The following HMCN1 variants were observed in gnomAD, a reference collection of about 807,000 sequenced individuals.
HMCN1 encodes the protein hemicentin 1, also known as hemicentin-1.
In HMCN1, 321 loss-of-function variants were observed where a neutral mutation model predicts 625.9. That is an observed-to-expected ratio of 0.51 (90% CI 0.47 to 0.56). HMCN1 has a LOEUF of 0.56. HMCN1 is among the 20% of genes least tolerant of loss of function. The pLI, the probability that HMCN1 is intolerant of heterozygous loss-of-function variation, is 0.00. For missense variants in HMCN1, 6,588 were observed against 6,887.3 expected (o/e 0.96, Z 1.54); for synonymous variants, 2,425 against 2,417.6 (o/e 1.00, Z -0.09).
chr1:186,039,432 A>G (rs935971645), intron 38 of HMCN1, among the ~76,000 whole-genome samples: 2 of 152,096 alleles, frequency 1.3e-5, no homozygotes, highest in South Asian at 2.1e-4. Flanking sequence ...ACACACACAC[A>G]CGCCTAGAAA....
chr1:186,090,253 A>G (rs899888220), intron 63 of HMCN1, among the ~76,000 whole-genome samples: 2 of 152,020 alleles, frequency 1.3e-5, no homozygotes, highest in Non-Finnish European at 2.9e-5. Context: ...CTTCAGAACT[A>G]CAACAAACCT....
At position 186,041,031 on chromosome 1, in the gene HMCN1, A is replaced by G; in HGVS notation, c.6199A>G (p.Ile2067Val). 1 of 1,612,984 alleles carries G rather than the reference A, an allele frequency of 6.2e-7. No individual in the cohort carries two copies. The highest frequency in any genetic ancestry group is 8.5e-7 in the Non-Finnish European group (1 of 1,179,178). The stretch of plus-strand genomic sequence containing the variant: ...TTGATAGGTTCTCTCTGGTGGTCGA[A>G]TCCTAGCATTGACCAGTGCACAAAT... ...NGLQVLSGGR[I>V]LALTSAQISD... Residue 2067 changes from isoleucine (I) to valine (V), a missense_variant, in exon 40 of 107, where the codon ATC becomes GTC. Around this residue, in one of 3 missense-constraint regions of HMCN1, gnomAD observed 4,628 missense variants for 4,853.1 expected, o/e 0.95. Coordinates refer to ENST00000271588, the MANE Select transcript of HMCN1 (RefSeq NM_031935.3).
At chr1:186,059,463 T>C (rs1017239343) in intron 46 of HMCN1, among the ~76,000 whole-genome samples, 7 of 152,050 alleles carry the variant, frequency 4.6e-5, no homozygotes, top group African/African-American at 1.4e-4. Context: ...AGTGGTGTTT[T>C]GGTTTTATTT....
chr1:185,825,070 G>T (rs915813782), intron 1 of HMCN1, among the ~76,000 whole-genome samples: 1 of 152,050 alleles, frequency 6.6e-6, no homozygotes, highest in Non-Finnish European at 1.5e-5. Flanking sequence ...GTAAAAACAA[G>T]AAATTGTTCA....
intron 35 of HMCN1, among the ~76,000 whole-genome samples, chr1:186,021,173 A>G (rs908346267): frequency 6.6e-6 from 1 of 152,076 alleles, no homozygotes; most frequent in Non-Finnish European, 1.5e-5. Flanking sequence ...TAGTTAAATC[A>G]CTGGGGGTTG....
intron 36 of HMCN1, among the ~76,000 whole-genome samples, chr1:186,028,887 G>T (rs768481423): frequency 6.6e-6 from 1 of 151,844 alleles, no homozygotes; most frequent in Admixed American, 6.6e-5. Context: ...ACCACTCCTG[G>T]CTAATTTTTT....
intron 1 of HMCN1, among the ~76,000 whole-genome samples, chr1:185,776,555 G>A (rs967070394): frequency 1.3e-5 from 2 of 150,150 alleles, no homozygotes; most frequent in Non-Finnish European, 2.9e-5. Context: ...TTACATTCTT[G>A]TGACTTTCTT....
chr1:185,837,227 T>C (rs1486644230), intron 1 of HMCN1, among the ~76,000 whole-genome samples: 2 of 151,916 alleles, frequency 1.3e-5, no homozygotes, highest in Non-Finnish European at 2.9e-5. Flanking sequence ...GTTGTAACCA[T>C]TCACAATCTT....
chr1:186,076,911 G>C (rs1378000951), intron 54 of HMCN1, among the ~76,000 whole-genome samples: 4 of 152,092 alleles, frequency 2.6e-5, no homozygotes, highest in Non-Finnish European at 4.4e-5. Flanking sequence ...AGTGCAATAA[G>C]ATAATCAGTT....
intron 91 of HMCN1, among the ~76,000 whole-genome samples, chr1:186,144,952 T>TG (rs746090505): frequency 2.0e-5 from 3 of 152,228 alleles, no homozygotes; most frequent in Non-Finnish European, 2.9e-5. Context: ...AGAGCACCCC[T>TG]GCATGCTAAC....
Position 186,136,886 on chromosome 1 carries a change from G to A in HMCN1, c.13531G>A (p.Ala4511Thr). 6.2e-7 allele frequency: 1 copy of A among 1,614,020 alleles called. No individual in the cohort carries two copies. ...KEDTSEFECV[A>T]RNLMGSVLVR... ...AGATACCTCTGAATTTGAATGTGTT[G>A]CTCGAAACTTAATGGGTTCTGTCCT... The change falls in exon 87 of 107, where the codon GCT (alanine) becomes ACT (threonine). Residue 4511 changes from alanine (A) to threonine (T), a missense_variant. Physicochemically the swap from Ala to Thr is moderately conservative, Grantham distance 58. This residue lies in a region of HMCN1 where 1,954 missense variants were observed against 2,013.1 expected (regional missense o/e 0.97). Coordinates refer to ENST00000271588, the MANE Select transcript of HMCN1 (RefSeq NM_031935.3).
chr1:185,834,894 GT>G (rs1422365446), intron 1 of HMCN1, among the ~76,000 whole-genome samples: 1 of 152,188 alleles, frequency 6.6e-6, no homozygotes, highest in African/African-American at 2.4e-5. Context: ...GAATCTTGAA[GT>G]AAGATGTGAT....
chr1:185,903,039 G>C (rs187034038), intron 4 of HMCN1, among the ~76,000 whole-genome samples: 293 of 151,428 alleles, frequency 1.9e-3, no homozygotes, highest in Non-Finnish European at 3.2e-3. Context: ...TTAATTTTCT[G>C]TATTTGTATT....
intron 11 of HMCN1, among the ~76,000 whole-genome samples, chr1:185,951,704 A>T (rs1668685139): frequency 1.3e-5 from 2 of 151,726 alleles, no homozygotes; most frequent in African/African-American, 4.9e-5. Context: ...GTGGCTTAGG[A>T]GGAATCCCGG....
At chr1:185,993,809 A>G (rs1300147134) in intron 23 of HMCN1, among the ~76,000 whole-genome samples, 2 of 152,072 alleles carry the variant, frequency 1.3e-5, no homozygotes, top group African/African-American at 4.8e-5. Flanking sequence ...CATTCATTCA[A>G]CACACTGAGT....
intron 16 of HMCN1, among the ~76,000 whole-genome samples, chr1:185,980,380 A>G (rs752936965): frequency 6.6e-5 from 10 of 152,192 alleles, no homozygotes; most frequent in Non-Finnish European, 1.2e-4. Flanking sequence ...TTCTGCACAT[A>G]CAGAATTAGG....
Position 186,007,140 on chromosome 1 carries a change from G to A in HMCN1, c.4488G>A (p.Leu1496=). The A allele has an allele frequency of 6.2e-7, 1 of 1,611,864 alleles. No individual in the cohort carries two copies. Among genetic ancestry groups the A allele is most frequent in the Non-Finnish European group, 8.5e-7 (1 of 1,178,350 alleles). Residue 1496 remains leucine, a synonymous_variant, in exon 30 of 107, where the codon TTG becomes TTA. Transcript: ENST00000271588. ...HWFKDGKPLF[L]GDPNVELLDR... is the part of the protein sequence containing the mutation. ...TTATTTTTTCTAGGCCTTTATTTTT[G>A]GGCGATCCTAATGTTGAACTTCTAG... is the stretch of plus-strand genomic sequence containing the variant.
intron 1 of HMCN1, among the ~76,000 whole-genome samples, chr1:185,805,013 AT>A (rs1372500841): frequency 1.3e-4 from 20 of 152,164 alleles, no homozygotes; most frequent in Non-Finnish European, 2.8e-4. Flanking sequence ...TTTGGAAGGA[AT>A]TGTACACCTG....
chr1:186,053,112 A>AAT, intron 43 of HMCN1, 38 bp downstream of exon 43: 1 of 1,543,380 alleles, frequency 6.5e-7, no homozygotes, highest in South Asian at 1.1e-5. Context: ...AATTAAAGAA[A>AAT]ATATAAGATG....
Sources: gnomAD v4.1 joint callset for allele counts (sites outside exome capture counted in the v4.1 genomes callset) on GRCh38, gnomAD v4.1.1 for gene constraint, gnomAD v4.1.1 regional missense constraint, MANE v1.5 for transcripts, NCBI Gene and HGNC (gene_info 2026-07-23, HGNC 2026-07-21) for gene names.